The following AOC2 variants were observed in gnomAD, a reference collection of about 807,000 sequenced individuals.
The protein encoded by AOC2 is amine oxidase [copper-containing] 2.
In AOC2, 57 loss-of-function variants were observed where a neutral mutation model predicts 53.8. That is an observed-to-expected ratio of 1.06 (90% CI 0.86 to 1.32). The LOEUF (loss-of-function observed/expected upper bound fraction) is 1.32, where lower values mean the gene tolerates loss of function less well. Among genes scored for constraint, AOC2 ranks in the 40% most tolerant of loss-of-function variants. The pLI, the probability that AOC2 is intolerant of heterozygous loss-of-function variation, is 0.00. For synonymous variants in AOC2, 404 were observed against 399.0 expected (o/e 1.01, Z -0.15); for missense variants, 1,008 against 957.2 (o/e 1.05, Z -0.70).
intron 1 of AOC2, among the ~76,000 whole-genome samples, chr17:42,848,091 T>TTTTTTTAA (rs1555552776): frequency 7.1e-6 from 1 of 141,302 alleles, no homozygotes; most frequent in African/African-American, 2.8e-5. Flanking sequence ...TTTTTTTTTT[T>TTTTTTTAA]AAGAGGCAGT....
At chr17:42,848,133 C>T (rs946275347) in intron 1 of AOC2, among the ~76,000 whole-genome samples, 5 of 146,180 alleles carry the variant, frequency 3.4e-5, no homozygotes, top group Non-Finnish European at 7.4e-5. Flanking sequence ...TGGTGTCCAG[C>T]ACCTGGGTTC....
At chr17:42,848,559 A>G (rs980045511) in intron 1 of AOC2, among the ~76,000 whole-genome samples, 1 of 144,322 alleles carries the variant, frequency 6.9e-6, no homozygotes, top group Admixed American at 6.9e-5. Context: ...ATATATATAT[A>G]TATATATTTT....
chr17:42,845,464 T>C lies in AOC2; in HGVS notation c.838T>C (p.Leu280=), dbSNP rs1407277995. 6.2e-7 allele frequency: 1 copy of C among 1,614,086 alleles called. No individual in the cohort carries two copies. Among genetic ancestry groups the C allele is most frequent in the South Asian group, 1.1e-5 (1 of 91,064 alleles). The change falls in exon 1 of 4, where the codon TTG becomes CTG. Residue 280 remains leucine (L), a synonymous_variant. Coordinates refer to ENST00000253799, the MANE Select transcript of AOC2 (RefSeq NM_009590.4). ...GGAACGGGAGTTTAAGTCTGGCCGG[T>C]TGGAAGTGGTTAGAGTCCCTCTACC... is the stretch of plus-strand genomic sequence containing the variant. ...QLEREFKSGR[L]EVVRVPLPPP... is the part of the protein sequence containing the mutation.
chr17:42,845,719 A>G lies in AOC2; in HGVS notation c.1093A>G (p.Ile365Val), dbSNP rs149403572. The G allele has an allele frequency of 3.2e-5, 51 of 1,613,960 alleles. No individual in the cohort carries two copies. The highest frequency in any genetic ancestry group is 1.3e-4 in the Admixed American group (8 of 60,004). ...AGTCAGTGTCCAGGAGTGTGTATCT[A>G]TCTATGGTGCCGATTCACCCAAGAC... ...YEVSVQECVSIYGADSPKTML... is the reference protein window; with the variant it reads ...YEVSVQECVSVYGADSPKTML... The change falls in exon 1 of 4, where the codon ATC (isoleucine) becomes GTC (valine). Residue 365 changes from isoleucine to valine, a missense_variant. Transcript: ENST00000253799.
chr17:42,845,472 G>A lies in AOC2; in HGVS notation c.846G>A (p.Val282=). The A allele has an allele frequency of 6.2e-7, 1 of 1,614,164 alleles. No homozygotes were observed. Among genetic ancestry groups the A allele is most frequent in the Non-Finnish European group, 8.5e-7 (1 of 1,180,026 alleles). ...AGTTTAAGTCTGGCCGGTTGGAAGT[G>A]GTTAGAGTCCCTCTACCTCCACCAA... ...EREFKSGRLE[V]VRVPLPPPNG... Residue 282 remains valine, a synonymous_variant, in exon 1 of 4, where the codon GTG becomes GTA. Coordinates refer to ENST00000253799, the MANE Select transcript of AOC2 (RefSeq NM_009590.4).
In AOC2 at chr17:42,845,745, G is replaced by A. The variant is rs373542289; in HGVS notation, c.1119G>A (p.Thr373=). Residue 373 remains threonine, a synonymous_variant, in exon 1 of 4, where the codon ACG becomes ACA. Transcript: ENST00000253799. The part of the protein sequence containing the change: ...VSIYGADSPK[T]MLTRYLDSSF... ...TCTATGGTGCCGATTCACCCAAGACGATGCTGACTCGCTATTTGGATAGCA... is the reference window on the plus strand; with the variant it reads ...TCTATGGTGCCGATTCACCCAAGACAATGCTGACTCGCTATTTGGATAGCA... 115 of 1,614,020 alleles carry A rather than the reference G, an allele frequency of 7.1e-5. No individual in the cohort carries two copies. The highest frequency in any genetic ancestry group is 1.5e-4 in the African/African-American group (11 of 74,902).
rs960054528 is a variant in AOC2, at chr17:42,850,472, C to T, written c.*124C>T. Reference sequence around the variant, plus strand: ...CCACCCCCTCAATGTTCCTCTCACACGAAACCCCCATCAGTCCCTTTGGTT... The same window carrying T: ...CCACCCCCTCAATGTTCCTCTCACATGAAACCCCCATCAGTCCCTTTGGTT... On this transcript the variant is annotated 3_prime_UTR_variant, in exon 4 of 4. Transcript: ENST00000253799. The T allele has an allele frequency of 5.7e-5, 67 of 1,173,606 alleles. No individual in the cohort carries two copies. Among genetic ancestry groups the T allele is most frequent in the East Asian group, 1.7e-4 (7 of 40,678 alleles). The allele number at this position is 1,173,606 out of a possible 1,614,324, so 72.7% of individuals were successfully genotyped here. A position where few individuals can be genotyped will look rare whatever the true frequency, so the allele number is the denominator to read the frequency against.
At position 42,845,929 on chromosome 17, in the gene AOC2, C is replaced by G. The variant is rs777111912; in HGVS notation, c.1303C>G (p.Arg435Gly). 1 of 1,614,150 alleles carries G rather than the reference C, an allele frequency of 6.2e-7. No homozygotes were observed. The highest frequency in any genetic ancestry group is 8.5e-7 in the Non-Finnish European group (1 of 1,180,030). ...VFEEAQGLPL[R>G]RHHNYLQNHF... ...TGAGGAAGCCCAGGGACTGCCCCTT[C>G]GAAGGCACCACAATTACCTTCAAAA... Residue 435 changes from arginine (R) to glycine (G), a missense_variant, in exon 1 of 4, where the codon CGA becomes GGA. By Grantham distance (125) the Arg-to-Gly change is moderately radical. Coordinates refer to ENST00000253799, the MANE Select transcript of AOC2 (RefSeq NM_009590.4).
At position 42,845,246 on chromosome 17, in the gene AOC2, C is replaced by T; in HGVS notation, c.620C>T (p.Ala207Val). Residue 207 changes from alanine (A) to valine (V), a missense_variant, in exon 1 of 4, where the codon GCC becomes GTC. By Grantham distance (64) the Ala-to-Val change is moderately conservative. Coordinates refer to ENST00000253799, the MANE Select transcript of AOC2 (RefSeq NM_009590.4). ...GGCTCTACCCTGGCAGCTGTGCATGCCACCCCTCGGGGCTTGCGCTCAGGG... is the reference window on the plus strand; with the variant it reads ...GGCTCTACCCTGGCAGCTGTGCATGTCACCCCTCGGGGCTTGCGCTCAGGG... ...YNGSTLAAVHATPRGLRSGDR... is the reference protein window; with the variant it reads ...YNGSTLAAVHVTPRGLRSGDR... 1 of 1,614,106 alleles carries T rather than the reference C, an allele frequency of 6.2e-7. No individual in the cohort carries two copies. The highest frequency in any genetic ancestry group is 8.5e-7 in the Non-Finnish European group (1 of 1,180,052).
At position 42,845,412 on chromosome 17, in the gene AOC2, G is replaced by A. The variant is rs1317555125; in HGVS notation, c.786G>A (p.Gly262=). 3 of 1,614,194 alleles carry A rather than the reference G, an allele frequency of 1.9e-6. No individual in the cohort carries two copies. The highest frequency in any genetic ancestry group is 2.5e-6 in the Non-Finnish European group (3 of 1,180,032). The change falls in exon 1 of 4, where the codon GGG becomes GGA. Residue 262 remains glycine, a synonymous_variant. Transcript: ENST00000253799. ...HWTVQQVFYL[G]HYYADLGQLE... is the part of the protein sequence containing the mutation. ...CTGTCCAGCAGGTCTTCTACCTTGG[G>A]CACTACTATGCAGACTTGGGCCAGT... is the stretch of plus-strand genomic sequence containing the variant.
rs200422278 is a variant in AOC2 at position 42,848,546 on chromosome 17, C to CATATATATATATATATATATACAT, written c.1589-520_1589-519insACATATATATATATATATATATAT. On this transcript the variant is annotated intron_variant, in intron 1 of 3. Transcript: ENST00000253799. ...CTGAATATATATATATATATATATA[C>CATATATATATATATATATATACAT]ATATATATATATATATATATTTTAG... Among the ~76,000 whole-genome samples, 19 of 117,672 alleles carry CATATATATATATATATATATACAT rather than the reference C, an allele frequency of 1.6e-4. 1 individual carries two copies. Among genetic ancestry groups the CATATATATATATATATATATACAT allele is most frequent in the African/African-American group, 5.8e-4 (15 of 25,830 alleles). 77.2% of individuals were successfully genotyped at this position (117,672 alleles called of 152,430 possible). A position where few individuals can be genotyped will look rare whatever the true frequency, so the allele number is the denominator to read the frequency against.
chr17:42,850,696 G>T lies in AOC2; in HGVS notation c.*348G>T, dbSNP rs1352585513. ...TGTTGTATGTAATTTATAATAAAAA[G>T]TATTAGAGGAATTTTACTTGAATTT... On this transcript the variant is annotated 3_prime_UTR_variant, in exon 4 of 4. Coordinates refer to ENST00000253799, the MANE Select transcript of AOC2 (RefSeq NM_009590.4). The T allele has an allele frequency of 5.3e-6, 1 of 189,044 alleles. No homozygotes were observed. Among genetic ancestry groups the T allele is most frequent in the Non-Finnish European group, 1.1e-5 (1 of 92,712 alleles). 11.7% of individuals were successfully genotyped at this position (189,044 alleles called of 1,614,324 possible).
chr17:42,849,614 G>C lies in AOC2; in HGVS notation c.1888G>C (p.Val630Leu). The C allele has an allele frequency of 6.2e-7, 1 of 1,613,692 alleles. No homozygotes were observed. The change falls in exon 3 of 4, where the codon GTG (valine) becomes CTG (leucine). Residue 630 changes from valine to leucine, a missense_variant. Coordinates refer to ENST00000253799, the MANE Select transcript of AOC2 (RefSeq NM_009590.4). ...ALSWGRYQLV[V>L]TQRKEEESQS... is the part of the protein sequence containing the mutation. ...ATTCCTGGCCAGATACCAGCTTGTG[G>C]TGACCCAGAGAAAGGAGGAGGAGTC...
chr17:42,850,096 G>T lies in AOC2; in HGVS notation c.2019G>T (p.Trp673Cys). ...TCTTCTTGCAGGATCTGGTGGCTTG[G>T]GTCACAGCCAGCTTCCTGCACATTC... Reference protein sequence around the residue: ...ETLLGEDLVAWVTASFLHIPH... With the variant: ...ETLLGEDLVACVTASFLHIPH... The change falls in exon 4 of 4, where the codon TGG becomes TGT. Residue 673 changes from tryptophan (W) to cysteine (C), a missense_variant. Physicochemically the swap from Trp to Cys is radical, Grantham distance 215. Coordinates refer to ENST00000253799, the MANE Select transcript of AOC2 (RefSeq NM_009590.4). The T allele has an allele frequency of 6.2e-7, 1 of 1,613,802 alleles. No individual in the cohort carries two copies. Among genetic ancestry groups the T allele is most frequent in the Non-Finnish European group, 8.5e-7 (1 of 1,179,772 alleles).
rs202150031 is a variant in AOC2, at chr17:42,849,326, A to G, written c.1829A>G (p.His610Arg). ...CAGATCCACAGCCCCCTTGGCATACACATACCCCTGGAGAGTGACATGGAG... is the reference window on the plus strand; with the variant it reads ...CAGATCCACAGCCCCCTTGGCATACGCATACCCCTGGAGAGTGACATGGAG... ...RIQIHSPLGI[H>R]IPLESDMERA... Residue 610 changes from histidine (H) to arginine (R), a missense_variant, in exon 2 of 4, where the codon CAC (histidine) becomes CGC (arginine). Coordinates refer to ENST00000253799, the MANE Select transcript of AOC2 (RefSeq NM_009590.4). The G allele has an allele frequency of 1.2e-6, 2 of 1,614,080 alleles. No homozygotes were observed. Among genetic ancestry groups the G allele is most frequent in the African/African-American group, 1.3e-5 (1 of 75,024 alleles).
intron 2 of AOC2, 44 bp from the exon 3 acceptor site, chr17:42,849,557 C>T (rs2055631122): frequency 1.2e-6 from 2 of 1,613,950 alleles, no homozygotes; most frequent in Non-Finnish European, 1.7e-6. Flanking sequence ...CCAGTAAAGG[C>T]ACTTGACATT....
At chr17:42,849,465 T>C in intron 2 of AOC2, 94 bp downstream of exon 2, 1 of 1,577,458 alleles carries the variant, frequency 6.3e-7, no homozygotes, top group Non-Finnish European at 8.6e-7. Flanking sequence ...CTACCATTCA[T>C]CCCTGTACCT....
chr17:42,845,452 AAG>A lies in AOC2; in HGVS notation c.827_828del (p.Lys276IlefsTer8). The A allele has an allele frequency of 6.2e-7, 1 of 1,614,134 alleles. No homozygotes were observed. Among genetic ancestry groups the A allele is most frequent in the Non-Finnish European group, 8.5e-7 (1 of 1,180,024 alleles). Reference sequence around the variant, plus strand: ...CTTGGGCCAGTTGGAACGGGAGTTTAAGTCTGGCCGGTTGGAAGTGGTTAGAG... The same window carrying A: ...CTTGGGCCAGTTGGAACGGGAGTTTATCTGGCCGGTTGGAAGTGGTTAGAG... ...ADLGQLEREF[K>X]SGRLEVVRVP... On this transcript the variant is annotated frameshift_variant, in exon 1 of 4. Coordinates refer to ENST00000253799, the MANE Select transcript of AOC2 (RefSeq NM_009590.4). LOFTEE classifies it high-confidence loss of function.
Position 42,845,967 on chromosome 17 carries a change from T to G in AOC2, c.1341T>G (p.Gly447=), listed in dbSNP as rs757123589. The G allele has an allele frequency of 1.1e-5, 17 of 1,614,156 alleles. No individual in the cohort carries two copies. Among genetic ancestry groups the G allele is most frequent in the Non-Finnish European group, 1.4e-5 (17 of 1,180,028 alleles). The change falls in exon 1 of 4, where the codon GGT becomes GGG. Residue 447 remains glycine, a synonymous_variant. Transcript: ENST00000253799. The part of the protein sequence containing the change: ...HHNYLQNHFY[G]GLASSALVVR... ...ATTACCTTCAAAATCATTTCTATGG[T>G]GGTTTGGCCAGCTCAGCCCTTGTGG...
Sources: gnomAD v4.1 joint callset for allele counts (sites outside exome capture counted in the v4.1 genomes callset) on GRCh38, gnomAD v4.1.1 for gene constraint, MANE v1.5 for transcripts, NCBI Gene and HGNC (gene_info 2026-07-23, HGNC 2026-07-21) for gene names.